Variants in KIF26A observed in about 807,000 individuals in gnomAD.
The protein encoded by KIF26A is kinesin family member 26A.
KIF26A carries 74 observed loss-of-function variants against 126.0 expected under a neutral mutation model. The observed-to-expected ratio is 0.59, with a 90% CI of 0.49 to 0.71. The LOEUF (loss-of-function observed/expected upper bound fraction) is 0.71. KIF26A is among the 30% of genes least tolerant of loss of function. The pLI is 0.00. For missense variants in KIF26A, 2,984 were observed against 2,763.3 expected (o/e 1.08, Z -1.79); for synonymous variants, 1,445 against 1,232.7 (o/e 1.17, Z -3.61).
intron 14 of KIF26A, 55 bp downstream of exon 14, chr14:104,179,441 GCCCTC>G (rs2038076089): frequency 6.9e-7 from 1 of 1,449,502 alleles, no homozygotes; most frequent in Non-Finnish European, 9.1e-7. Context: ...CCTGACAGCT[GCCCTC>G]CCCTCCCAGA....
At position 104,175,290 on chromosome 14, in the gene KIF26A, C is replaced by T; in HGVS notation, c.2502C>T (p.Asp834=). 3 of 1,605,216 alleles carry T rather than the reference C, an allele frequency of 1.9e-6. No homozygotes were observed. The highest frequency in any genetic ancestry group is 1.3e-5 in the African/African-American group (1 of 75,060). ...CCTCCAAGGGTCCCCGAGACGCAGACCACTTCCGCTGCAGCACCTTCGCGG... is the reference window on the plus strand; with the variant it reads ...CCTCCAAGGGTCCCCGAGACGCAGATCACTTCCGCTGCAGCACCTTCGCGG... The part of the protein sequence containing the change: ...HRPSKGPRDA[D]HFRCSTFAEL... Residue 834 remains aspartate (D), a synonymous_variant, in exon 12 of 15, where the codon GAC becomes GAT. Coordinates refer to ENST00000423312, the MANE Select transcript of KIF26A (RefSeq NM_015656.2).
intron 4 of KIF26A, among the ~76,000 whole-genome samples, chr14:104,163,461 C>T (rs2037851136): frequency 6.6e-6 from 1 of 152,128 alleles, no homozygotes; most frequent in South Asian, 2.1e-4. Context: ...GGCACAAGGG[C>T]CTCTTCCTTG....
rs143589575 is a variant in KIF26A at position 104,148,777 on chromosome 14, G to T, written c.289-3238G>T. Among the ~76,000 whole-genome samples the T allele has an allele frequency of 6.6e-6, 1 of 152,116 alleles. No homozygotes were observed. The highest frequency in any genetic ancestry group is 1.5e-5 in the Non-Finnish European group (1 of 68,006). ...GCAGTCAGTGGTGTGGGAGACCCTC[G>T]CCTTCACCTTCTGGGGCCCAAGATG... On this transcript the variant is annotated intron_variant, in intron 2 of 14. Coordinates refer to ENST00000423312, the MANE Select transcript of KIF26A (RefSeq NM_015656.2). The surrounding 1 kb of genome is among the most constrained non-coding windows in gnomAD (Gnocchi z 4.3).
chr14:104,166,779 T>C, intron 4 of KIF26A, 80 bp from the exon 5 acceptor site: 1 of 1,314,792 alleles, frequency 7.6e-7, no homozygotes, highest in Non-Finnish European at 1.0e-6. Context: ...CAGGGTGGGA[T>C]CGCCTGGTGA....
rs960005128 is a variant in KIF26A, at chr14:104,138,618, G to A, written c.-105G>A. On this transcript the variant is annotated 5_prime_UTR_variant, in exon 1 of 15. Coordinates refer to ENST00000423312, the MANE Select transcript of KIF26A (RefSeq NM_015656.2). ...AGGCTCTGCGAACTTCCGAGCGGCT[G>A]GGCCGGGCCATGGGGGCGCCTCGGG... is the stretch of plus-strand genomic sequence containing the variant. The A allele has an allele frequency of 8.7e-6, 8 of 923,656 alleles. No individual in the cohort carries two copies. The highest frequency in any genetic ancestry group is 1.1e-5 in the Non-Finnish European group (8 of 719,840). 57.2% of individuals were successfully genotyped at this position (923,656 alleles called of 1,614,324 possible). A position where few individuals can be genotyped will look rare whatever the true frequency, so the allele number is the denominator to read the frequency against.
In KIF26A at chr14:104,177,670, G is replaced by A. The variant is rs1271236636; in HGVS notation, c.4882G>A (p.Gly1628Ser). 3.9e-6 allele frequency: 6 copies of A among 1,529,244 alleles called. No homozygotes were observed. The highest frequency in any genetic ancestry group is 5.3e-6 in the Non-Finnish European group (6 of 1,142,594). The allele number at this position is 1,529,244 out of a possible 1,614,324, so 94.7% of individuals were successfully genotyped here. A position where few individuals can be genotyped will look rare whatever the true frequency, so the allele number is the denominator to read the frequency against. Residue 1628 changes from glycine (G) to serine (S), a missense_variant, in exon 12 of 15, where the codon GGC (glycine) becomes AGC (serine). Transcript: ENST00000423312. ...APRRPQRYSS[G>S]HGSDNSSVLS... ...ACGGCGGCCCCAGCGCTACAGCAGC[G>A]GCCATGGCAGCGACAACAGCAGCGT...
At position 104,152,430 on chromosome 14, in the gene KIF26A, G is replaced by C. The variant is rs761563321; in HGVS notation, c.704G>C (p.Arg235Pro). 6.3e-7 allele frequency: 1 copy of C among 1,592,050 alleles called. No homozygotes were observed. Among genetic ancestry groups the C allele is most frequent in the Non-Finnish European group, 8.5e-7 (1 of 1,170,874 alleles). ...QCLEGMWSVS[R>P]VNSFLPPACL... Reference sequence around the variant, plus strand: ...CTGGAGGGCATGTGGAGTGTCTCGCGGGTCAACAGCTTCCTCCCGCCGGCG... The same window carrying C: ...CTGGAGGGCATGTGGAGTGTCTCGCCGGTCAACAGCTTCCTCCCGCCGGCG... The change falls in exon 3 of 15, where the codon CGG becomes CCG. Residue 235 changes from arginine to proline, a missense_variant. By Grantham distance (103) the Arg-to-Pro change is moderately radical (BLOSUM62 -2). Transcript: ENST00000423312. The surrounding 1 kb of genome is among the most constrained non-coding windows in gnomAD (Gnocchi z 5.9).
intron 3 of KIF26A, among the ~76,000 whole-genome samples, chr14:104,153,252 C>T (rs1001475652): frequency 6.6e-6 from 1 of 152,120 alleles, no homozygotes; most frequent in Non-Finnish European, 1.5e-5. Context: ...GCTGCCCTGG[C>T]AGTGGCTGCT....
chr14:104,139,186 C>G lies in KIF26A; in HGVS notation c.186C>G (p.His62Gln). ...EGAGAGPEQG[H>Q]SAGGGGWCRH... is the part of the protein sequence containing the mutation. ...CCGGGGCCGGCCCAGAGCAGGGCCACTCGGCCGGCGGAGGCGGCTGGTGCC... is the reference window on the plus strand; with the variant it reads ...CCGGGGCCGGCCCAGAGCAGGGCCAGTCGGCCGGCGGAGGCGGCTGGTGCC... Residue 62 changes from histidine to glutamine, a missense_variant, in exon 2 of 15, where the codon CAC (histidine) becomes CAG (glutamine). Coordinates refer to ENST00000423312, the MANE Select transcript of KIF26A (RefSeq NM_015656.2). 1 of 1,546,512 alleles carries G rather than the reference C, an allele frequency of 6.5e-7. No individual in the cohort carries two copies.
At chr14:104,156,925 A>G (rs976763739) in intron 3 of KIF26A, among the ~76,000 whole-genome samples, 3 of 152,022 alleles carry the variant, frequency 2.0e-5, no homozygotes, top group African/African-American at 7.3e-5. Context: ...GGTGACCGTG[A>G]CCTGACCAGG....
At position 104,180,887 on chromosome 14, in the gene KIF26A, C is replaced by G. The variant is rs884996; in HGVS notation, c.*1097C>G. ...TTTTATTTGTGAATTAAAGATGCAT[C>G]GATGGTTCCCACGGCTGCCGAGTTC... On this transcript the variant is annotated 3_prime_UTR_variant, in exon 15 of 15. Transcript: ENST00000423312. 1 of 152,330 alleles carries G rather than the reference C, an allele frequency of 6.6e-6. No homozygotes were observed. The highest frequency in any genetic ancestry group is 2.4e-5 in the African/African-American group (1 of 41,416). The allele number at this position is 152,330 out of a possible 1,614,324, so 9.4% of individuals were successfully genotyped here.
chr14:104,167,482 G>C (rs762803023), intron 5 of KIF26A, among the ~76,000 whole-genome samples: 1 of 152,144 alleles, frequency 6.6e-6, no homozygotes, highest in African/African-American at 2.4e-5. Context: ...AGCGGGATGC[G>C]TGATGGGTTG....
chr14:104,164,617 G>T (rs144905917), intron 4 of KIF26A, among the ~76,000 whole-genome samples: 1 of 152,196 alleles, frequency 6.6e-6, no homozygotes, highest in African/African-American at 2.4e-5. Flanking sequence ...CAGCAGCAGG[G>T]TTAGCACAGC....
Position 104,166,855 on chromosome 14 carries a change from C to A in KIF26A, c.924-4C>A. ...CTGATCCTGCCTCTGCCTCTCCTCC[C>A]CAGGGCTATGCAGAAGCTCAGCCTG... On this transcript the variant is annotated splice_polypyrimidine_tract_variant and splice_region_variant and intron_variant, in intron 4 of 14. Transcript: ENST00000423312. 6 of 1,566,172 alleles carry A rather than the reference C, an allele frequency of 3.8e-6. No individual in the cohort carries two copies. Among genetic ancestry groups the A allele is most frequent in the Non-Finnish European group, 4.3e-6 (5 of 1,156,756 alleles).
At chr14:104,177,960 G>T in intron 12 of KIF26A, 62 bp downstream of exon 12, 1 of 1,399,476 alleles carries the variant, frequency 7.1e-7, no homozygotes, top group Non-Finnish European at 9.3e-7. Flanking sequence ...GATGTGCACA[G>T]CCCTCTACAG....
intron 5 of KIF26A, among the ~76,000 whole-genome samples, chr14:104,167,902 T>C (rs1468946569): frequency 6.6e-6 from 1 of 152,088 alleles, no homozygotes; most frequent in African/African-American, 2.4e-5. Flanking sequence ...GCCATCAGGC[T>C]CCGTGCCCCT....
Position 104,173,096 on chromosome 14 carries a change from T to C in KIF26A, c.1540T>C (p.Phe514Leu). The C allele has an allele frequency of 1.9e-6, 3 of 1,605,800 alleles. No homozygotes were observed. Among genetic ancestry groups the C allele is most frequent in the Non-Finnish European group, 2.5e-6 (3 of 1,177,138 alleles). ...GCGCAGGGAGAGGACGGGCACCCGCTTCTCCGTCCGGGTCTCAGCCGTGGA... is the reference window on the plus strand; with the variant it reads ...GCGCAGGGAGAGGACGGGCACCCGCCTCTCCGTCCGGGTCTCAGCCGTGGA... ...EERRERTGTR[F>L]SVRVSAVEVC... The change falls in exon 8 of 15, where the codon TTC becomes CTC. Residue 514 changes from phenylalanine (F) to leucine (L), a missense_variant. Transcript: ENST00000423312.
At position 104,155,227 on chromosome 14, in the gene KIF26A, G is replaced by A. The variant is rs2037765704; in HGVS notation, c.736-2528G>A. ...GCACCCAGTGAGGTGTTTATCTGGG[G>A]GGCTGGTGTCTTTCACGGGCCAGAA... On this transcript the variant is annotated intron_variant, in intron 3 of 14. Coordinates refer to ENST00000423312, the MANE Select transcript of KIF26A (RefSeq NM_015656.2). Among the ~76,000 whole-genome samples, 6 of 152,160 alleles carry A rather than the reference G, an allele frequency of 3.9e-5. No homozygotes were observed. In the South Asian group the frequency reaches 1.2e-3, roughly 31 times the overall value.
chr14:104,162,479 C>T (rs2037842545), intron 4 of KIF26A, among the ~76,000 whole-genome samples: 1 of 152,196 alleles, frequency 6.6e-6, no homozygotes, highest in Admixed American at 6.5e-5. Context: ...GGCAAAGGGC[C>T]AGCCTGGTTT....
Sources: allele counts gnomAD v4.1 joint callset (sites outside exome capture counted in the v4.1 genomes callset), GRCh38; gene constraint gnomAD v4.1.1; non-coding constraint Gnocchi (gnomAD v3.1); transcripts MANE v1.5; gene names NCBI Gene and HGNC (gene_info 2026-07-23, HGNC 2026-07-21).